Variants in GALNTL6 observed in about 807,000 individuals in gnomAD.
GALNTL6 encodes the protein polypeptide N-acetylgalactosaminyltransferase-like 6.
In GALNTL6, 46 loss-of-function variants were observed where a neutral mutation model predicts 73.7. The observed-to-expected ratio is 0.62, with a 90% CI of 0.49 to 0.80. The LOEUF is 0.80. Among genes scored for constraint, GALNTL6 ranks in the 30% least tolerant of loss-of-function variants. GALNTL6 has a pLI of 0.00. For missense variants in GALNTL6, 604 were observed against 755.0 expected (o/e 0.80, Z 2.34); for synonymous variants, 259 against 263.7 (o/e 0.98, Z 0.17).
At chr4:172,757,276 A>T (rs967099226) in intron 5 of GALNTL6, among the ~76,000 whole-genome samples, 6 of 152,184 alleles carry the variant, frequency 3.9e-5, no homozygotes, top group African/African-American at 1.4e-4. Context: ...TCTACATTGG[A>T]ATAGAAAATT....
At chr4:172,785,218 T>C (rs1455067475) in intron 5 of GALNTL6, among the ~76,000 whole-genome samples, 2 of 152,062 alleles carry the variant, frequency 1.3e-5, no homozygotes, top group Non-Finnish European at 2.9e-5. Flanking sequence ...GAAGAGATGA[T>C]TGATTGGAAA....
chr4:172,703,908 A>T (rs577073001), intron 5 of GALNTL6, among the ~76,000 whole-genome samples: 17 of 151,944 alleles, frequency 1.1e-4, no homozygotes, highest in African/African-American at 3.6e-4. Flanking sequence ...CTGTATACTC[A>T]TGGTTCAATC....
chr4:172,994,516 A>G (rs189788123), intron 10 of GALNTL6, among the ~76,000 whole-genome samples: 3 of 152,368 alleles, frequency 2.0e-5, no homozygotes, highest in Admixed American at 6.5e-5. Flanking sequence ...TAGTTATACC[A>G]TGAAATACTT....
chr4:172,351,355 A>G lies in GALNTL6; in HGVS notation c.553+2666A>G, dbSNP rs567034645. 9.8e-5 allele frequency among the ~76,000 whole-genome samples: 15 copies of G among 152,290 alleles called. No individual in the cohort carries two copies. The South Asian group carries it at 3.1e-3, about 32-fold the overall frequency. ...TGCCTTAACATTTAAAACATCTCCA[A>G]TATGGCCAATAAGCTACTATAAGCA... On this transcript the variant is annotated intron_variant, in intron 5 of 12. Coordinates refer to ENST00000506823, the MANE Select transcript of GALNTL6 (RefSeq NM_001034845.3).
At chr4:172,578,709 T>G (rs775821564) in intron 5 of GALNTL6, among the ~76,000 whole-genome samples, 1 of 152,216 alleles carries the variant, frequency 6.6e-6, no homozygotes, top group Non-Finnish European at 1.5e-5. Flanking sequence ...AAGAATCAAA[T>G]TTTTAGCTAG....
chr4:172,026,594 TAA>T (rs1236199271), intron 2 of GALNTL6, among the ~76,000 whole-genome samples: 2 of 152,178 alleles, frequency 1.3e-5, no homozygotes, highest in Non-Finnish European at 2.9e-5. Flanking sequence ...TTGAAAGGAC[TAA>T]GTTTCATTTT....
chr4:172,728,335 CT>C (rs942113886), intron 5 of GALNTL6, among the ~76,000 whole-genome samples: 2 of 152,140 alleles, frequency 1.3e-5, no homozygotes, highest in Non-Finnish European at 2.9e-5. Context: ...ATGAGATCCA[CT>C]TTTTTTAGTT....
At chr4:172,408,797 T>C (rs957294008) in intron 5 of GALNTL6, among the ~76,000 whole-genome samples, 2 of 152,080 alleles carry the variant, frequency 1.3e-5, no homozygotes, top group African/African-American at 4.8e-5. Context: ...TGACACTGGC[T>C]CTACTTGGCT....
chr4:172,443,004 T>C (rs1350211504), intron 5 of GALNTL6, among the ~76,000 whole-genome samples: 1 of 150,950 alleles, frequency 6.6e-6, no homozygotes, highest in Admixed American at 6.6e-5. Flanking sequence ...TTTATTTACC[T>C]TTAAAAAATA....
At position 173,030,277 on chromosome 4, in the gene GALNTL6, GC is replaced by G. The variant is rs540132480; in HGVS notation, c.1638+8654del. Among the ~76,000 whole-genome samples the G allele has an allele frequency of 5.1e-4, 78 of 152,272 alleles. No individual in the cohort carries two copies. The South Asian group carries it at 0.015, about 30-fold the overall frequency. On this transcript the variant is annotated intron_variant, in intron 12 of 12. Transcript: ENST00000506823. ...ATACATTCGCCCCAGCAATGAAGCT[GC>G]CTTTTCAATAATTAATTCTATCTTC...
intron 5 of GALNTL6, among the ~76,000 whole-genome samples, chr4:172,780,754 A>G (rs10866363): frequency 0.53 from 80,736 of 152,052 alleles, 22,064 homozygotes; most frequent in East Asian, 0.78. Flanking sequence ...CCTTAAGAGC[A>G]AAATATTATT....
intron 2 of GALNTL6, among the ~76,000 whole-genome samples, chr4:171,872,682 T>C (rs929158162): frequency 6.6e-5 from 10 of 152,176 alleles, no homozygotes; most frequent in African/African-American, 2.4e-4. Flanking sequence ...TGTATTTGCA[T>C]ATTGTTCTCC....
chr4:172,473,941 GA>G (rs1733141508), intron 5 of GALNTL6, among the ~76,000 whole-genome samples: 1 of 152,110 alleles, frequency 6.6e-6, no homozygotes, highest in Non-Finnish European at 1.5e-5. Context: ...CTAAAAGCTG[GA>G]TCATGCCACT....
At chr4:172,890,625 T>A (rs559590709) in intron 8 of GALNTL6, among the ~76,000 whole-genome samples, 14 of 152,282 alleles carry the variant, frequency 9.2e-5, no homozygotes, top group Admixed American at 7.8e-4. Context: ...GTGGTTGAGG[T>A]TAGTGTATGT....
At chr4:172,813,778 G>A in intron 7 of GALNTL6, 55 bp downstream of exon 7, 1 of 1,366,070 alleles carries the variant, frequency 7.3e-7, no homozygotes, top group African/African-American at 1.4e-5. Context: ...ACTCATTGCA[G>A]TGTTAAACCT....
chr4:173,026,249 C>A (rs1753226542), intron 12 of GALNTL6, among the ~76,000 whole-genome samples: 1 of 152,118 alleles, frequency 6.6e-6, no homozygotes, highest in Admixed American at 6.5e-5. Flanking sequence ...ATAAAGGGTG[C>A]ATTATCAAGC....
chr4:172,023,024 A>G (rs1312923645), intron 2 of GALNTL6, among the ~76,000 whole-genome samples: 1 of 151,920 alleles, frequency 6.6e-6, no homozygotes, highest in African/African-American at 2.4e-5. Context: ...AATTTCTTCT[A>G]CCAAATGCAA....
At chr4:172,167,981 A>G (rs975720815) in intron 2 of GALNTL6, among the ~76,000 whole-genome samples, 1 of 139,296 alleles carries the variant, frequency 7.2e-6, no homozygotes, top group Non-Finnish European at 1.6e-5. Flanking sequence ...AAAAAAAAAA[A>G]AAAAGAAACA....
At chr4:172,407,708 T>C (rs985700582) in intron 5 of GALNTL6, among the ~76,000 whole-genome samples, 23 of 152,082 alleles carry the variant, frequency 1.5e-4, no homozygotes, top group African/African-American at 5.1e-4. Flanking sequence ...GTGGGCTGAA[T>C]GATTACATTT....
Sources: allele counts gnomAD v4.1 joint callset (sites outside exome capture counted in the v4.1 genomes callset), GRCh38; gene constraint gnomAD v4.1.1; transcripts MANE v1.5; gene names NCBI Gene and HGNC (gene_info 2026-07-23, HGNC 2026-07-21).